Variants in LHFPL3 observed in about 807,000 individuals in gnomAD.
LHFPL3 encodes the protein LHFPL tetraspan subfamily member 3 protein.
A neutral mutation model predicts 19.3 loss-of-function variants in LHFPL3; 5 were observed. The observed-to-expected ratio is 0.26, with a 90% CI of 0.14 to 0.54. The LOEUF is 0.54. LHFPL3 is among the 20% of genes least tolerant of loss of function. The pLI is 0.94. For missense variants in LHFPL3, 249 were observed against 307.4 expected (o/e 0.81, Z 1.42); for synonymous variants, 133 against 126.2 (o/e 1.05, Z -0.36).
intron 2 of LHFPL3, among the ~76,000 whole-genome samples, chr7:104,867,185 G>A (rs1334861194): frequency 7.2e-5 from 11 of 151,892 alleles, no homozygotes; most frequent in African/African-American, 2.4e-4. Context: ...GCAAGAGCAA[G>A]CACATTCAAA....
intron 1 of LHFPL3, among the ~76,000 whole-genome samples, chr7:104,394,288 C>T (rs1791139570): frequency 6.6e-6 from 1 of 152,114 alleles, no homozygotes; most frequent in Non-Finnish European, 1.5e-5. Context: ...TAACAAGCTC[C>T]CAGGTTGCAT....
intron 1 of LHFPL3, among the ~76,000 whole-genome samples, chr7:104,416,686 C>T (rs894963760): frequency 2.0e-5 from 3 of 152,194 alleles, no homozygotes; most frequent in Non-Finnish European, 4.4e-5. Context: ...AAGAGAATGA[C>T]ATATGTTCAA....
chr7:104,706,413 A>AC (rs1793191504), intron 1 of LHFPL3, among the ~76,000 whole-genome samples: 1 of 152,152 alleles, frequency 6.6e-6, no homozygotes, highest in Admixed American at 6.5e-5. Flanking sequence ...GACCACCAGC[A>AC]CCTCTCTATA....
intron 2 of LHFPL3, among the ~76,000 whole-genome samples, chr7:104,791,774 C>T (rs1266994789): frequency 6.6e-6 from 1 of 152,102 alleles, no homozygotes; most frequent in East Asian, 1.9e-4. Context: ...ATATTGTTCC[C>T]CCAGGGGTGC....
At chr7:104,862,749 C>A (rs1791640332) in intron 2 of LHFPL3, among the ~76,000 whole-genome samples, 1 of 152,124 alleles carries the variant, frequency 6.6e-6, no homozygotes, top group Non-Finnish European at 1.5e-5. Context: ...TTCCAAGGAG[C>A]TTTATCCACA....
rs1479525793 is a variant in LHFPL3, at chr7:104,399,898, G to C, written c.445+70674G>C. Among the ~76,000 whole-genome samples the C allele has an allele frequency of 6.6e-6, 1 of 151,080 alleles. No individual in the cohort carries two copies. The highest frequency in any genetic ancestry group is 2.4e-5 in the African/African-American group (1 of 41,224). Reference sequence around the variant, plus strand: ...AGGCAGGTGGATCACGTGAGGTCGAGTTTGAGACCAGCCTGGCCAACATGG... The same window carrying C: ...AGGCAGGTGGATCACGTGAGGTCGACTTTGAGACCAGCCTGGCCAACATGG... On this transcript the variant is annotated intron_variant, in intron 1 of 2. Transcript: ENST00000424859. The surrounding 1 kb of genome is among the most constrained non-coding windows in gnomAD (Gnocchi z 4.4).
At position 104,839,432 on chromosome 7, in the gene LHFPL3, C is replaced by T. The variant is rs143707841; in HGVS notation, c.683-66755C>T. Among the ~76,000 whole-genome samples the T allele has an allele frequency of 9.3e-3, 1,419 of 152,048 alleles. 18 individuals are homozygous for T. Among genetic ancestry groups the T allele is most frequent in the African/African-American group, 0.033 (1,354 of 41,462 alleles). On this transcript the variant is annotated intron_variant, in intron 2 of 2. Transcript: ENST00000424859. The stretch of plus-strand genomic sequence containing the variant: ...CTGTAATCTCAGCATATTCGGAGGC[C>T]GAGGCAGGCAGATCACTTGAGGTCA...
intron 2 of LHFPL3, among the ~76,000 whole-genome samples, chr7:104,756,095 A>C (rs1469877476): frequency 6.6e-6 from 1 of 152,052 alleles, no homozygotes; most frequent in African/African-American, 2.4e-5. Context: ...TCTGTCCTTA[A>C]GGAAGTAGAC....
At chr7:104,746,284 C>G (rs933603787) in intron 2 of LHFPL3, among the ~76,000 whole-genome samples, 1 of 152,028 alleles carries the variant, frequency 6.6e-6, no homozygotes, top group Admixed American at 6.5e-5. Flanking sequence ...TGCACTCCAG[C>G]CTAGGAAATA....
intron 1 of LHFPL3, chr7:104,668,939 C>A: frequency 1.2e-6 from 2 of 1,612,422 alleles, no homozygotes; most frequent in Non-Finnish European, 1.7e-6. Flanking sequence ...GAACGACGGC[C>A]TCGGGAGAGA....
intron 1 of LHFPL3, among the ~76,000 whole-genome samples, chr7:104,469,754 A>G (rs934936131): frequency 6.6e-6 from 1 of 152,208 alleles, no homozygotes; most frequent in South Asian, 2.1e-4. Flanking sequence ...GAGTCCAGGA[A>G]AAATGGTTAT....
chr7:104,682,489 T>G (rs552467910), intron 1 of LHFPL3, among the ~76,000 whole-genome samples: 1 of 152,218 alleles, frequency 6.6e-6, no homozygotes, highest in Non-Finnish European at 1.5e-5. Flanking sequence ...AGAACCTAAG[T>G]GCCCAACATA....
At chr7:104,443,296 A>G (rs1019764113) in intron 1 of LHFPL3, among the ~76,000 whole-genome samples, 14 of 152,162 alleles carry the variant, frequency 9.2e-5, no homozygotes, top group Non-Finnish European at 1.5e-4. Context: ...TAACACCCAC[A>G]CTGGATGGCA....
At chr7:104,557,749 A>C (rs1432793627) in intron 1 of LHFPL3, among the ~76,000 whole-genome samples, 2 of 151,470 alleles carry the variant, frequency 1.3e-5, no homozygotes, top group African/African-American at 2.4e-5. Flanking sequence ...ACATATGTAT[A>C]CATGTGCCAT....
intron 1 of LHFPL3, among the ~76,000 whole-genome samples, chr7:104,460,693 G>A (rs138581830): frequency 1.3e-5 from 2 of 151,686 alleles, no homozygotes; most frequent in Non-Finnish European, 2.9e-5. Context: ...TTTTTAATGG[G>A]GTTATTTGTT....
intron 2 of LHFPL3, among the ~76,000 whole-genome samples, chr7:104,896,783 C>T (rs989975031): frequency 6.6e-6 from 1 of 152,050 alleles, no homozygotes; most frequent in Admixed American, 6.5e-5. Flanking sequence ...GAAGGTATCA[C>T]TGCTAAAAAG....
intron 1 of LHFPL3, among the ~76,000 whole-genome samples, chr7:104,725,273 G>A (rs1457965376): frequency 2.6e-5 from 4 of 152,070 alleles, no homozygotes; most frequent in African/African-American, 9.7e-5. Context: ...GAGAAAAGAC[G>A]TCTTTGTTGA....
chr7:104,786,738 GA>G (rs915490741), intron 2 of LHFPL3, among the ~76,000 whole-genome samples: 6 of 133,650 alleles, frequency 4.5e-5, no homozygotes, highest in African/African-American at 2.7e-5. Flanking sequence ...TATAAAACTT[GA>G]AAAAAAGATT....
intron 1 of LHFPL3, among the ~76,000 whole-genome samples, chr7:104,614,739 C>A (rs923008901): frequency 5.4e-5 from 5 of 92,736 alleles, no homozygotes. Flanking sequence ...TTCTTTCTTT[C>A]TCTTTCTCTC....
Sources: allele counts gnomAD v4.1 joint callset (sites outside exome capture counted in the v4.1 genomes callset), GRCh38; gene constraint gnomAD v4.1.1; non-coding constraint Gnocchi (gnomAD v3.1); transcripts MANE v1.5; gene names NCBI Gene and HGNC (gene_info 2026-07-23, HGNC 2026-07-21).